GUCY1A2: variants seen among roughly 807,000 people sequenced by gnomAD.
GUCY1A2 encodes the protein guanylate cyclase 1 soluble subunit alpha 2, also known as guanylate cyclase soluble subunit alpha-2.
A neutral mutation model predicts 63.5 loss-of-function variants in GUCY1A2; 27 were observed. The ratio of observed to expected loss-of-function variants is 0.43; its 90% confidence interval spans 0.31 to 0.59. The LOEUF is 0.59. GUCY1A2 is among the 20% of genes least tolerant of loss of function. The pLI is 0.11. For missense variants in GUCY1A2, 768 were observed against 913.3 expected, an observed-to-expected ratio of 0.84 and a Z score of 2.05; for synonymous variants, 364 against 343.5, an observed-to-expected ratio of 1.06 and a Z score of -0.66.
chr11:106,952,963 T>C (rs938575585), intron 3 of GUCY1A2, among the ~76,000 whole-genome samples: 1 of 152,188 alleles, frequency 6.6e-6, no homozygotes, highest in Admixed American at 6.5e-5. Context: ...TATAAAATCA[T>C]GTCATCTGCA....
Position 106,940,115 on chromosome 11 carries a change from T to C in GUCY1A2, c.551A>G (p.Glu184Gly). ...GEEFFNICFH[E>G]NERVLRAVGG... ...TACAGCTCGAAGGACTCTCTCATTC[T>C]CATGAAAGCATATATTAAAGAACTC... Residue 184 changes from glutamate to glycine, a missense_variant, in exon 4 of 8, where the codon GAG becomes GGG. This residue lies in a region of GUCY1A2 where 496 missense variants were observed against 486.9 expected (regional missense o/e 1.02). Coordinates refer to ENST00000526355, the MANE Select transcript of GUCY1A2 (RefSeq NM_000855.3). 1 of 1,612,486 alleles carries C rather than the reference T, an allele frequency of 6.2e-7. No homozygotes were observed. Among genetic ancestry groups the C allele is most frequent in the East Asian group, 2.2e-5 (1 of 44,870 alleles).
chr11:106,747,989 G>T (rs1250676691), intron 6 of GUCY1A2, among the ~76,000 whole-genome samples: 1 of 152,166 alleles, frequency 6.6e-6, no homozygotes, highest in African/African-American at 2.4e-5. Context: ...CACAACAGCT[G>T]ACAGTAGAAA....
At chr11:107,003,061 T>A (rs1029447976) in intron 1 of GUCY1A2, among the ~76,000 whole-genome samples, 1 of 152,176 alleles carries the variant, frequency 6.6e-6, no homozygotes, top group African/African-American at 2.4e-5. Context: ...TTTTTACTTA[T>A]CTTTTACCTT....
chr11:106,703,176 G>A (rs1862847214), intron 7 of GUCY1A2, among the ~76,000 whole-genome samples: 1 of 152,110 alleles, frequency 6.6e-6, no homozygotes, highest in Non-Finnish European at 1.5e-5. Flanking sequence ...TTGGGACTTG[G>A]ACTGTCTCCT....
intron 4 of GUCY1A2, among the ~76,000 whole-genome samples, chr11:106,927,127 A>C (rs1340573668): frequency 1.3e-5 from 2 of 151,976 alleles, no homozygotes; most frequent in African/African-American, 4.8e-5. Context: ...TAATCCCAGC[A>C]CTTTGGGAGG....
intron 1 of GUCY1A2, among the ~76,000 whole-genome samples, chr11:107,007,926 C>T (rs2120200204): frequency 6.8e-6 from 1 of 147,364 alleles, no homozygotes. Flanking sequence ...TATAGACACC[C>T]TTGTAAGTGG....
rs1404409072 is a variant in GUCY1A2, at chr11:106,886,746, CA to C, written c.1206+52713del. Among the ~76,000 whole-genome samples, 3 of 152,088 alleles carry C rather than the reference CA, an allele frequency of 2.0e-5. No individual in the cohort carries two copies. In the East Asian group the frequency reaches 5.8e-4, roughly 29 times the overall value. On this transcript the variant is annotated intron_variant, in intron 4 of 7. Coordinates refer to ENST00000526355, the MANE Select transcript of GUCY1A2 (RefSeq NM_000855.3). ...TCAACGTGGAATACTCCAAAAGGCC[CA>C]CAGTATTACCCTCTTCAAAATCTCT... is the stretch of plus-strand genomic sequence containing the variant.
intron 4 of GUCY1A2, among the ~76,000 whole-genome samples, chr11:106,870,106 G>A (rs1859654710): frequency 8.8e-6 from 1 of 112,998 alleles, no homozygotes; most frequent in Admixed American, 8.9e-5. Flanking sequence ...GGCCTCTTGT[G>A]AGGGGGGGGG....
intron 6 of GUCY1A2, among the ~76,000 whole-genome samples, chr11:106,720,079 A>ATT (rs1237795014): frequency 2.0e-5 from 3 of 152,216 alleles, no homozygotes; most frequent in African/African-American, 7.2e-5. Flanking sequence ...TAAAGGCCAC[A>ATT]AAAATATATG....
intron 4 of GUCY1A2, among the ~76,000 whole-genome samples, chr11:106,858,749 A>T (rs962139493): frequency 1.3e-5 from 2 of 152,150 alleles, no homozygotes; most frequent in Admixed American, 6.6e-5. Flanking sequence ...CTAAATCTAG[A>T]AGACAAGGAG....
rs1256411033 is a variant in GUCY1A2, at chr11:106,940,297, T to G, written c.488-119A>C. ...ATAAAGTAACAAAGGTTATTTCTCT[T>G]AGATCCACAAATTTCCACATAGGTT... is the stretch of plus-strand genomic sequence containing the variant. On this transcript the variant is annotated intron_variant, in intron 3 of 7. Coordinates refer to ENST00000526355, the MANE Select transcript of GUCY1A2 (RefSeq NM_000855.3). 2.3e-5 allele frequency: 13 copies of G among 567,616 alleles called. No individual in the cohort carries two copies. The East Asian group carries it at 3.7e-4, about 16-fold the overall frequency. The allele number at this position is 567,616 out of a possible 1,614,324, so 35.2% of individuals were successfully genotyped here.
intron 1 of GUCY1A2, among the ~76,000 whole-genome samples, chr11:106,991,974 C>G (rs1369771157): frequency 2.0e-5 from 3 of 152,144 alleles, no homozygotes; most frequent in Admixed American, 1.3e-4. Flanking sequence ...TTATTTTTCA[C>G]AGTTTATGAA....
intron 1 of GUCY1A2, among the ~76,000 whole-genome samples, chr11:106,992,050 G>A (rs1264309773): frequency 6.6e-6 from 1 of 152,174 alleles, no homozygotes; most frequent in African/African-American, 2.4e-5. Flanking sequence ...ACAAAGCCAG[G>A]ATTGAAACCC....
intron 4 of GUCY1A2, among the ~76,000 whole-genome samples, chr11:106,909,800 A>G (rs142730235): frequency 6.6e-6 from 1 of 152,054 alleles, no homozygotes; most frequent in African/African-American, 2.4e-5. Context: ...AATATGAATA[A>G]AGCTGTCATG....
At chr11:106,947,052 C>T (rs573702152) in intron 3 of GUCY1A2, among the ~76,000 whole-genome samples, 1 of 151,956 alleles carries the variant, frequency 6.6e-6, no homozygotes, top group African/African-American at 2.4e-5. Context: ...CCCATCTCTA[C>T]TAAAAAATAC....
At chr11:106,809,304 T>C (rs1858733510) in intron 5 of GUCY1A2, among the ~76,000 whole-genome samples, 2 of 152,096 alleles carry the variant, frequency 1.3e-5, no homozygotes, top group African/African-American at 4.8e-5. Context: ...CTAGGTAAAG[T>C]TGTAGAGTTA....
intron 1 of GUCY1A2, among the ~76,000 whole-genome samples, chr11:106,999,404 T>C (rs1861584242): frequency 6.6e-6 from 1 of 152,212 alleles, no homozygotes; most frequent in East Asian, 1.9e-4. Flanking sequence ...CCATGATTCA[T>C]TTCTATTAGT....
intron 4 of GUCY1A2, among the ~76,000 whole-genome samples, chr11:106,908,366 T>C (rs1860242440): frequency 6.6e-6 from 1 of 151,884 alleles, no homozygotes; most frequent in African/African-American, 2.4e-5. Flanking sequence ...TTATGTAGAA[T>C]AGAGATCTTT....
chr11:106,999,340 T>A (rs1046698329), intron 1 of GUCY1A2, among the ~76,000 whole-genome samples: 1 of 152,130 alleles, frequency 6.6e-6, no homozygotes, highest in African/African-American at 2.4e-5. Context: ...ATATCAGAGG[T>A]TGAACTAGTA....
Sources: gnomAD v4.1 joint callset for allele counts (sites outside exome capture counted in the v4.1 genomes callset) on GRCh38, gnomAD v4.1.1 for gene constraint, gnomAD v4.1.1 regional missense constraint, MANE v1.5 for transcripts, NCBI Gene and HGNC (gene_info 2026-07-23, HGNC 2026-07-21) for gene names.